GPHN: variants seen among roughly 807,000 people sequenced by gnomAD.
The protein encoded by GPHN is gephyrin.
In GPHN, 17 loss-of-function variants were observed where a neutral mutation model predicts 95.5. That is an observed-to-expected ratio of 0.18 (90% CI 0.12 to 0.27). The LOEUF (loss-of-function observed/expected upper bound fraction) is 0.27. GPHN is among the 10% of genes least tolerant of loss of function. The pLI is 1.00. For synonymous variants in GPHN, 320 were observed against 322.5 expected (o/e 0.99, Z 0.08); for missense variants, 660 against 978.1 (o/e 0.67, Z 4.34).
intron 1 of GPHN, among the ~76,000 whole-genome samples, chr14:66,573,396 T>G (rs2060774744): frequency 6.6e-6 from 1 of 152,216 alleles, no homozygotes; most frequent in African/African-American, 2.4e-5. Flanking sequence ...GCATATAAAC[T>G]TACAATTGTT....
the GPHN span, among the ~76,000 whole-genome samples, chr14:67,545,037 TAAGA>T: frequency 6.6e-6 from 1 of 152,356 alleles, no homozygotes; most frequent in South Asian, 2.1e-4. Flanking sequence ...TTGGCTGCTG[TAAGA>T]AAGAACCTCA....
the GPHN span, among the ~76,000 whole-genome samples, chr14:67,280,853 T>TTCCTTCCTTCCCTCCTTCCC: frequency 1.0e-3 from 81 of 77,562 alleles, no homozygotes; most frequent in Admixed American, 2.5e-3. Context: ...CCTTCCTTCC[T>TTCCTTCCTTCCCTCCTTCCC]TCCCTCCCTC....
At chr14:66,607,933 T>G (rs1171074002) in intron 1 of GPHN, among the ~76,000 whole-genome samples, 1 of 151,890 alleles carries the variant, frequency 6.6e-6, no homozygotes, top group Non-Finnish European at 1.5e-5. Flanking sequence ...TTTTTTATTC[T>G]TCCGATAAAC....
In GPHN at chr14:66,682,552, C is replaced by T. The variant is rs1026797288; in HGVS notation, c.143+1367C>T. 1.8e-4 allele frequency among the ~76,000 whole-genome samples: 28 copies of T among 151,828 alleles called. 1 individual carries two copies. Among genetic ancestry groups the T allele is most frequent in the Non-Finnish European group, 2.9e-5 (2 of 67,968 alleles). The stretch of plus-strand genomic sequence containing the variant: ...AGATCACAAGGTCAGGAGATCAAGA[C>T]CATCCTGGCCAACATGGTGAAACCC... On this transcript the variant is annotated intron_variant, in intron 2 of 22. Coordinates refer to ENST00000478722, the MANE Select transcript of GPHN (RefSeq NM_020806.5).
At chr14:67,266,248 T>C in the GPHN span, among the ~76,000 whole-genome samples, 1 of 152,210 alleles carries the variant, frequency 6.6e-6, no homozygotes, top group Non-Finnish European at 1.5e-5. Flanking sequence ...AGTTAGATCA[T>C]GGGGACTTTA....
intron 8 of GPHN, among the ~76,000 whole-genome samples, chr14:66,958,270 T>G (rs954950695): frequency 1.3e-5 from 2 of 152,210 alleles, no homozygotes; most frequent in Non-Finnish European, 2.9e-5. Flanking sequence ...GCTTCAAAGT[T>G]GATTTTGTCT....
At chr14:67,029,074 C>T (rs989503714) in intron 10 of GPHN, among the ~76,000 whole-genome samples, 1 of 152,098 alleles carries the variant, frequency 6.6e-6, no homozygotes, top group African/African-American at 2.4e-5. Flanking sequence ...TTTCATTTTT[C>T]TGCATATGGC....
chr14:67,225,926 A>T, the GPHN span, among the ~76,000 whole-genome samples: 19 of 136,716 alleles, frequency 1.4e-4, no homozygotes, highest in South Asian at 1.4e-3. Context: ...TAATGCTGTG[A>T]GTGTGTGTGT....
intron 1 of GPHN, among the ~76,000 whole-genome samples, chr14:66,631,394 G>A (rs1025290656): frequency 3.3e-5 from 5 of 152,120 alleles, no homozygotes; most frequent in Admixed American, 6.5e-5. Context: ...CAAAACAAAT[G>A]TATTTATTAT....
chr14:67,206,327 G>A, the GPHN span, among the ~76,000 whole-genome samples: 6 of 151,940 alleles, frequency 3.9e-5, no homozygotes, highest in African/African-American at 1.5e-4. Flanking sequence ...GCAAAACCCT[G>A]TCTCTACTAA....
chr14:66,931,477 T>G (rs1204561157), intron 8 of GPHN, among the ~76,000 whole-genome samples: 1 of 152,160 alleles, frequency 6.6e-6, no homozygotes, highest in Non-Finnish European at 1.5e-5. Context: ...CTCTACCTTT[T>G]CTTTAAGGCC....
At chr14:67,564,350 A>G in the GPHN span, among the ~76,000 whole-genome samples, 5 of 152,210 alleles carry the variant, frequency 3.3e-5, no homozygotes, top group Admixed American at 2.0e-4. Flanking sequence ...TCTGGTAGAA[A>G]TACTTCAGAA....
At chr14:67,691,270 G>A in the GPHN span, 2 of 1,549,476 alleles carry the variant, frequency 1.3e-6, no homozygotes, top group Non-Finnish European at 1.8e-6. Context: ...GATGGAGCGT[G>A]GAAGTGGCTA....
At chr14:66,536,352 A>G (rs1566561676) in intron 1 of GPHN, among the ~76,000 whole-genome samples, 1 of 152,166 alleles carries the variant, frequency 6.6e-6, no homozygotes, top group Non-Finnish European at 1.5e-5. Context: ...TGATGTGGTG[A>G]ATTACATTGA....
chr14:66,638,074 T>C (rs1477713621), intron 1 of GPHN, among the ~76,000 whole-genome samples: 3 of 152,210 alleles, frequency 2.0e-5, no homozygotes, highest in African/African-American at 4.8e-5. Context: ...ATCTGTGATA[T>C]ATTTTTGTAT....
chr14:67,692,307 G>A, the GPHN span: 1 of 888,694 alleles, frequency 1.1e-6, no homozygotes, highest in South Asian at 1.6e-5. Flanking sequence ...GTGACTATGA[G>A]TTCAGCTACA....
the GPHN span, among the ~76,000 whole-genome samples, chr14:67,420,392 G>A: frequency 2.0e-5 from 3 of 152,366 alleles, no homozygotes; most frequent in South Asian, 2.1e-4. Flanking sequence ...AGCTGTGAAC[G>A]AAGGGACGTG....
intron 11 of GPHN, among the ~76,000 whole-genome samples, chr14:67,062,174 A>G (rs2075852605): frequency 6.6e-6 from 1 of 152,222 alleles, no homozygotes; most frequent in Non-Finnish European, 1.5e-5. Context: ...GTAGAAGTTC[A>G]TTCTCACTAC....
intron 2 of GPHN, among the ~76,000 whole-genome samples, chr14:66,703,920 A>C (rs2068798956): frequency 6.6e-6 from 1 of 152,032 alleles, no homozygotes; most frequent in South Asian, 2.1e-4. Flanking sequence ...ACATAGGTTC[A>C]AAATAAAAGG....
Sources: gnomAD v4.1 joint callset for allele counts (sites outside exome capture counted in the v4.1 genomes callset) on GRCh38, gnomAD v4.1.1 for gene constraint, MANE v1.5 for transcripts, NCBI Gene and HGNC (gene_info 2026-07-23, HGNC 2026-07-21) for gene names.